The following DCTD variants were observed in gnomAD, a reference collection of about 807,000 sequenced individuals.
DCTD encodes dCMP deaminase.
In DCTD, 23 loss-of-function variants were observed where a neutral mutation model predicts 21.0. The ratio of observed to expected loss-of-function variants is 1.09; its 90% CI spans 0.79 to 1.55. DCTD has a LOEUF of 1.55. Ranked by LOEUF, DCTD falls within the 40% of genes most tolerant of loss-of-function variation. The probability of loss-of-function intolerance (pLI) is 0.00; values close to 1 mark genes in which losing one functional copy is unlikely to be tolerated. For missense variants in DCTD, 224 were observed against 230.0 expected (o/e 0.97, Z 0.17); for synonymous variants, 71 against 81.1 (o/e 0.88, Z 0.67).
At chr4:182,916,110 A>G (rs980596982) in intron 1 of DCTD, among the ~76,000 whole-genome samples, 3 of 152,114 alleles carry the variant, frequency 2.0e-5, no homozygotes, top group African/African-American at 7.2e-5. Context: ...GATTCAAAGA[A>G]AACATCTGAA....
At chr4:182,893,263 C>G (rs1228266938) in intron 4 of DCTD, 136 bp from the exon 5 acceptor site, 7 of 706,780 alleles carry the variant, frequency 9.9e-6, no homozygotes, top group Non-Finnish European at 1.8e-5. Context: ...AGTGTCCAGT[C>G]ACTGAAATAC....
rs192155424 is a variant in DCTD, at chr4:182,893,767, G to A, written c.362-640C>T. ...ACCGCGAGGAGAGCTTCCCAGGAACGGTGACGGCGACAGCCAGGGAGCCCA... is the reference window on the plus strand; with the variant it reads ...ACCGCGAGGAGAGCTTCCCAGGAACAGTGACGGCGACAGCCAGGGAGCCCA... On this transcript the variant is annotated intron_variant, in intron 4 of 5. Transcript: ENST00000438320. Among the ~76,000 whole-genome samples the A allele has an allele frequency of 3.2e-4, 49 of 152,368 alleles. No homozygotes were observed. In the East Asian group the frequency reaches 7.9e-3, roughly 25 times the overall value.
At chr4:182,899,660 A>C (rs200094714) in intron 3 of DCTD, among the ~76,000 whole-genome samples, 16 of 151,986 alleles carry the variant, frequency 1.1e-4, no homozygotes, top group African/African-American at 3.9e-4. Flanking sequence ...CTCGGCCTCC[A>C]AAAGTGCTGG....
intron 3 of DCTD, among the ~76,000 whole-genome samples, chr4:182,898,315 CA>C (rs1735108870): frequency 6.6e-6 from 1 of 152,200 alleles, no homozygotes. Context: ...AGCTTTGCAA[CA>C]AGGGCAGCAC....
chr4:182,896,201 T>C (rs1180952849), intron 3 of DCTD, among the ~76,000 whole-genome samples: 1 of 152,210 alleles, frequency 6.6e-6, no homozygotes, highest in African/African-American at 2.4e-5. Flanking sequence ...GATCATTTAC[T>C]GAGCACGTAC....
intron 5 of DCTD, among the ~76,000 whole-genome samples, chr4:182,892,086 A>T (rs1733871726): frequency 6.6e-6 from 1 of 152,100 alleles, no homozygotes; most frequent in Admixed American, 6.5e-5. Flanking sequence ...GTATACAAAT[A>T]ATTTGAATTT....
intron 3 of DCTD, among the ~76,000 whole-genome samples, chr4:182,907,407 G>A (rs1736922116): frequency 6.6e-6 from 1 of 152,134 alleles, no homozygotes. Flanking sequence ...CAACGTGCTG[G>A]GATTACAGGC....
rs1733537614 is a variant in DCTD, at chr4:182,890,361, T to C, written c.*1038A>G. 2.6e-5 allele frequency: 4 copies of C among 152,156 alleles called. No individual in the cohort carries two copies. The South Asian group carries it at 8.3e-4, about 32-fold the overall frequency. The allele number at this position is 152,156 out of a possible 1,614,324, so 9.4% of individuals were successfully genotyped here. Reference sequence around the variant, plus strand: ...CCCGCGGTGATTAGGAAGGTGATGCTTGTGTAGGTGAAAGCATGGAGCCAG... The same window carrying C: ...CCCGCGGTGATTAGGAAGGTGATGCCTGTGTAGGTGAAAGCATGGAGCCAG... On this transcript the variant is annotated 3_prime_UTR_variant, in exon 6 of 6. Transcript: ENST00000438320.
chr4:182,898,827 C>A (rs898607596), intron 3 of DCTD, among the ~76,000 whole-genome samples: 2 of 152,152 alleles, frequency 1.3e-5, no homozygotes, highest in Non-Finnish European at 1.5e-5. Context: ...GTAAGGCATA[C>A]ATAATCCCCA....
chr4:182,916,920 G>A, intron 1 of DCTD: 1 of 1,004,716 alleles, frequency 1.0e-6, no homozygotes, highest in Non-Finnish European at 1.2e-6. Context: ...TCCGGTCACC[G>A]TCCCAGGCAC....
intron 3 of DCTD, among the ~76,000 whole-genome samples, chr4:182,905,517 C>T (rs2464970): frequency 0.22 from 32,976 of 151,718 alleles, 4,195 homozygotes; most frequent in Non-Finnish European, 0.3. Flanking sequence ...TTAGTAGAGA[C>T]GGGGTTTCAC....
chr4:182,907,462 T>A (rs948520073), intron 3 of DCTD, among the ~76,000 whole-genome samples: 3 of 152,200 alleles, frequency 2.0e-5, no homozygotes, highest in Non-Finnish European at 2.9e-5. Flanking sequence ...ATTGCTGTTA[T>A]CCAACCTTTT....
chr4:182,914,251 G>C (rs1738274926), intron 3 of DCTD, among the ~76,000 whole-genome samples: 1 of 152,192 alleles, frequency 6.6e-6, no homozygotes, highest in African/African-American at 2.4e-5. Flanking sequence ...CAGGTGATCT[G>C]CCCGTCTCCA....
At chr4:182,917,533 C>G (rs115164680), upstream of DCTD, 10,456 of 254,336 alleles carry the variant, frequency 0.041, 266 homozygotes, top group Non-Finnish European at 0.053. The surrounding 1 kb of genome is among the most constrained non-coding windows in gnomAD (Gnocchi z 4.9). Context: ...AGGCGCTGCT[C>G]CGCGTCGCCG....
In DCTD at chr4:182,915,537, T is replaced by C. The variant is rs377621038; in HGVS notation, c.32A>G (p.Asp11Gly). The change falls in exon 2 of 6, where the codon GAC (aspartate) becomes GGC (glycine). Residue 11 changes from aspartate (D) to glycine (G), a missense_variant. Asp to Gly is a moderately conservative substitution (Grantham distance 94, BLOSUM62 -1). Coordinates refer to ENST00000438320, the MANE Select transcript of DCTD (RefSeq NM_001921.3). MSEVSCKKRDDYLEWPEYFMA... is the reference protein window; with the variant it reads MSEVSCKKRDGYLEWPEYFMA... Reference sequence around the variant, plus strand: ...AAAATACTCTGGCCATTCCAAATAGTCGTCCCGTTTCTTGCAGGAAACTTC... The same window carrying C: ...AAAATACTCTGGCCATTCCAAATAGCCGTCCCGTTTCTTGCAGGAAACTTC... The C allele has an allele frequency of 6.2e-6, 10 of 1,613,616 alleles. No individual in the cohort carries two copies. The African/African-American group carries it at 1.3e-4, about 22-fold the overall frequency.
intron 4 of DCTD, among the ~76,000 whole-genome samples, chr4:182,893,862 C>T (rs1579660346): frequency 6.6e-6 from 1 of 152,370 alleles, no homozygotes; most frequent in African/African-American, 2.4e-5. Context: ...ACGGCCCCTT[C>T]AAACCACACA....
At chr4:182,916,421 C>T (rs1260920828) in intron 1 of DCTD, 1 of 985,534 alleles carries the variant, frequency 1.0e-6, no homozygotes, top group Non-Finnish European at 1.2e-6. Context: ...GTGGGTACCA[C>T]GGAGAAATCT....
chr4:182,915,840 A>G, intron 1 of DCTD: 1 of 1,180,222 alleles, frequency 8.5e-7, no homozygotes, highest in Non-Finnish European at 1.1e-6. Context: ...GCTTTCTCAT[A>G]GGATTTTTTA....
At chr4:182,905,637 G>T (rs1402451309) in intron 3 of DCTD, among the ~76,000 whole-genome samples, 1 of 151,962 alleles carries the variant, frequency 6.6e-6, no homozygotes, top group Admixed American at 6.6e-5. Context: ...CCTTCTCACG[G>T]GCCCTTCTTT....
Sources: gnomAD v4.1 joint callset for allele counts (sites outside exome capture counted in the v4.1 genomes callset) on GRCh38, gnomAD v4.1.1 for gene constraint, Gnocchi (gnomAD v3.1) non-coding constraint, MANE v1.5 for transcripts, NCBI Gene and HGNC (gene_info 2026-07-23, HGNC 2026-07-21) for gene names.